PHF8: variants seen among roughly 807,000 people sequenced by gnomAD.
PHF8 encodes histone lysine demethylase PHF8.
Under a neutral mutation model 74.4 loss-of-function variants are expected in PHF8, and 9 were observed. The ratio of observed to expected loss-of-function variants is 0.12; its 90% CI spans 0.07 to 0.21. The LOEUF (loss-of-function observed/expected upper bound fraction) is 0.21. PHF8 is among the 10% of genes least tolerant of loss of function. The probability of loss-of-function intolerance (pLI) is 1.00; values close to 1 mark genes in which losing one functional copy is unlikely to be tolerated. For missense variants in PHF8, 478 were observed against 816.6 expected (o/e 0.59, Z 5.05); for synonymous variants, 311 against 316.6 (o/e 0.98, Z 0.19).
chrX:53,993,136 G>T, intron 13 of PHF8: 1 of 352,173 alleles, frequency 2.8e-6, no homozygotes, highest in Non-Finnish European at 5.0e-6. Context: ...AGCCCTGGTG[G>T]AGGGCTTTTC....
At chrX:53,942,995 C>T (rs917262908) in intron 20 of PHF8, 27 of 764,612 alleles carry the variant, frequency 3.5e-5, no homozygotes, top group Non-Finnish European at 4.0e-5. Flanking sequence ...GAATGCCTCC[C>T]TGGCCCCTAC....
intron 4 of PHF8, 98 bp from the exon 5 acceptor site, chrX:54,017,919 G>A: frequency 1.3e-6 from 1 of 787,348 alleles, no homozygotes; most frequent in Non-Finnish European, 1.9e-6. Context: ...TTTTTATGAG[G>A]GGACTTAATG....
At position 54,006,497 on chromosome X, in the gene PHF8, G is replaced by A. The variant is rs139899314; in HGVS notation, c.947-3815C>T. ...ATTCTGTCTCAAAAAAAAGAGGTAT[G>A]GTTTCAACCCTTCCCTCAAACAGGT... On this transcript the variant is annotated intron_variant, in intron 8 of 21. Transcript: ENST00000338154. Among the ~76,000 whole-genome samples the A allele has an allele frequency of 5.6e-3, 627 of 111,071 alleles. 3 individuals carry two copies. Among genetic ancestry groups the A allele is most frequent in the African/African-American group, 0.02 (609 of 30,512 alleles).
chrX:54,011,787 A>G (rs932757354), intron 7 of PHF8, among the ~76,000 whole-genome samples: 5 of 105,836 alleles, frequency 4.7e-5, no homozygotes, highest in African/African-American at 1.7e-4. Context: ...ATTATATGTT[A>G]TGTGATTATC....
chrX:53,996,945 A>G (rs964853807), intron 11 of PHF8, among the ~76,000 whole-genome samples: 3 of 112,798 alleles, frequency 2.7e-5, no homozygotes, highest in African/African-American at 6.4e-5. Context: ...AAAAGAAAAA[A>G]GTTGATCAAC....
intron 14 of PHF8, among the ~76,000 whole-genome samples, chrX:53,991,521 G>A (rs1256120558): frequency 9.1e-6 from 1 of 109,949 alleles, no homozygotes; most frequent in African/African-American, 3.3e-5. Flanking sequence ...AATTAGCTGG[G>A]CATAGTGGCA....
At position 53,938,989 on chromosome X, in the gene PHF8, G is replaced by A. The variant is rs1196975242; in HGVS notation, c.*169C>T. The A allele has an allele frequency of 1.9e-6, 2 of 1,034,877 alleles. No homozygotes were observed. Among genetic ancestry groups the A allele is most frequent in the Non-Finnish European group, 2.5e-6 (2 of 810,614 alleles). 85.3% of individuals were successfully genotyped at this position (1,034,877 alleles called of 1,213,427 possible). On this transcript the variant is annotated 3_prime_UTR_variant, in exon 22 of 22. Transcript: ENST00000338154. The stretch of plus-strand genomic sequence containing the variant: ...GATGCTCTAGTGAAAGTGGGGAAGG[G>A]AACTAGAAGGAGTCGGTGGAGGGGT...
chrX:53,967,691 A>G (rs1454625990), intron 18 of PHF8, among the ~76,000 whole-genome samples: 3 of 114,488 alleles, frequency 2.6e-5, no homozygotes, highest in African/African-American at 9.5e-5. Context: ...AGGTGGGGAA[A>G]AGATTGAGAA....
At chrX:54,042,024 C>T (rs1480494237) in intron 2 of PHF8, among the ~76,000 whole-genome samples, 1 of 111,847 alleles carries the variant, frequency 8.9e-6, no homozygotes, top group Non-Finnish European at 1.9e-5. Flanking sequence ...AAATGATGAC[C>T]GGGCACGGTG....
intron 13 of PHF8, 97 bp downstream of exon 13, chrX:53,993,504 G>A: frequency 1.4e-6 from 1 of 711,299 alleles, no homozygotes; most frequent in Non-Finnish European, 2.2e-6. Flanking sequence ...GGGGTCTAAG[G>A]GACATGGCAG....
chrX:53,969,561 A>G (rs2065262269), intron 18 of PHF8, among the ~76,000 whole-genome samples: 1 of 112,240 alleles, frequency 8.9e-6, no homozygotes, highest in Non-Finnish European at 1.9e-5. Flanking sequence ...AACGATCTAT[A>G]GATTCCATGC....
intron 19 of PHF8, among the ~76,000 whole-genome samples, chrX:53,951,902 C>T (rs1281052269): frequency 1.8e-5 from 2 of 111,613 alleles, no homozygotes; most frequent in Admixed American, 1.9e-4. Flanking sequence ...ATTCCAGATC[C>T]AGCAAAACTA....
chrX:53,943,558 G>C (rs2064784498), intron 20 of PHF8, among the ~76,000 whole-genome samples: 1 of 111,829 alleles, frequency 8.9e-6, no homozygotes, highest in African/African-American at 3.2e-5. Flanking sequence ...TTGATTGCAA[G>C]ATAACCAGAG....
At chrX:53,953,643 C>CA (rs1208325871) in intron 19 of PHF8, among the ~76,000 whole-genome samples, 4,964 of 39,230 alleles carry the variant, frequency 0.13, 200 homozygotes, top group Non-Finnish European at 0.17. Flanking sequence ...CACTCTGTCT[C>CA]AAAAAAAAAA....
chrX:53,964,372 G>A (rs1203412213), intron 18 of PHF8, among the ~76,000 whole-genome samples: 1 of 110,292 alleles, frequency 9.1e-6, no homozygotes, highest in Non-Finnish European at 1.9e-5. Context: ...TCCCAGAAAC[G>A]TATAATTTAA....
intron 8 of PHF8, among the ~76,000 whole-genome samples, chrX:54,009,284 A>G (rs1387632994): frequency 1.8e-5 from 2 of 111,850 alleles, no homozygotes; most frequent in Admixed American, 9.6e-5. Flanking sequence ...TTAAAATGGT[A>G]AATTTTACAA....
In PHF8 at chrX:53,985,955, GGA is replaced by G. The variant is rs1557099465; in HGVS notation, c.1996-8_1996-7del. On this transcript the variant is annotated splice_polypyrimidine_tract_variant and splice_region_variant and intron_variant, in intron 16 of 21. Coordinates refer to ENST00000338154, the MANE Select transcript of PHF8 (RefSeq NM_015107.3). ...TCATCTGTTGTATAGTCCTCCTGTT[GGA>G]GAGAGAGTGTATCACCTCAGCTGCC... 12 of 1,207,490 alleles carry G rather than the reference GGA, an allele frequency of 9.9e-6. No homozygotes were observed. Among genetic ancestry groups the G allele is most frequent in the Non-Finnish European group, 1.2e-5 (11 of 893,362 alleles).
At chrX:54,002,352 C>CT in intron 9 of PHF8, 91 bp from the exon 10 acceptor site, 1 of 606,619 alleles carries the variant, frequency 1.6e-6, no homozygotes, top group Non-Finnish European at 2.8e-6. Flanking sequence ...CTTTGTATCT[C>CT]TAATCCTCAA....
rs192556838 is a variant in PHF8, at chrX:54,041,398, A to G, written c.98+1233T>C. On this transcript the variant is annotated intron_variant, in intron 2 of 21. Coordinates refer to ENST00000338154, the MANE Select transcript of PHF8 (RefSeq NM_015107.3). ...AGACCTTGTCTCAAATAAAAAAAAA[A>G]AAAAAAGAAAAAAGAAAAAAAGAAA... is the stretch of plus-strand genomic sequence containing the variant. Among the ~76,000 whole-genome samples, 6 of 108,906 alleles carry G rather than the reference A, an allele frequency of 5.5e-5. No homozygotes were observed. The East Asian group carries it at 1.1e-3, about 21-fold the overall frequency. The allele number at this position is 108,906 out of a possible 115,157, so 94.6% of individuals were successfully genotyped here.
Sources: gnomAD v4.1 joint callset for allele counts (sites outside exome capture counted in the v4.1 genomes callset) on GRCh38, gnomAD v4.1.1 for gene constraint, MANE v1.5 for transcripts, NCBI Gene and HGNC (gene_info 2026-07-23, HGNC 2026-07-21) for gene names.